SYCE1L: variants seen among roughly 807,000 people sequenced by gnomAD.
SYCE1L encodes the protein synaptonemal complex central element protein 1 like.
A neutral mutation model predicts 39.6 loss-of-function variants in SYCE1L; 51 were observed. The ratio of observed to expected loss-of-function variants is 1.29; its 90% CI spans 1.03 to 1.63. The LOEUF is 1.63. Among genes scored for constraint, SYCE1L ranks in the 40% most tolerant of loss-of-function variants. The pLI is 0.00. For synonymous variants in SYCE1L, 147 were observed against 122.4 expected (o/e 1.20, Z -1.33); for missense variants, 426 against 304.9 (o/e 1.40, Z -2.96).
chr16:77,208,382 T>C lies in SYCE1L; in HGVS notation c.182-83T>C, dbSNP rs189039273. On this transcript the variant is annotated intron_variant, in intron 3 of 10. Transcript: ENST00000378644. Reference sequence around the variant, plus strand: ...AGGCCCCTCTAGGGTTGTTTGAAGATGACTGTGCAATGTCATATTTGCGAG... The same window carrying C: ...AGGCCCCTCTAGGGTTGTTTGAAGACGACTGTGCAATGTCATATTTGCGAG... The C allele has an allele frequency of 2.4e-4, 376 of 1,544,516 alleles. No homozygotes were observed. The African/African-American group carries it at 4.1e-3, about 17-fold the overall frequency.
intron 1 of SYCE1L, among the ~76,000 whole-genome samples, chr16:77,205,894 C>T (rs1326209723): frequency 1.3e-5 from 2 of 152,106 alleles, no homozygotes. Context: ...CTGAAACAAA[C>T]TCTCTATATT....
In SYCE1L at chr16:77,206,468, A is replaced by T. The variant is rs2054786372; in HGVS notation, c.89A>T (p.Asp30Val). 6.4e-7 allele frequency: 1 copy of T among 1,551,526 alleles called. No individual in the cohort carries two copies. Among genetic ancestry groups the T allele is most frequent in the African/African-American group, 1.4e-5 (1 of 72,996 alleles). ...EGQAKSLKTEDLLAMVIKLQK... is the reference protein window; with the variant it reads ...EGQAKSLKTEVLLAMVIKLQK... Reference sequence around the variant, plus strand: ...CAAGCCAAGTCTTTGAAGACTGAAGACTTGCTGGCAATGGTGATAAAGCTG... The same window carrying T: ...CAAGCCAAGTCTTTGAAGACTGAAGTCTTGCTGGCAATGGTGATAAAGCTG... The change falls in exon 2 of 11, where the codon GAC (aspartate) becomes GTC (valine). Residue 30 changes from aspartate (D) to valine (V), a missense_variant. Transcript: ENST00000378644.
intron 1 of SYCE1L, chr16:77,200,008 CTA>C (rs71715172): frequency 0.3 from 45,461 of 151,274 alleles, 7,097 homozygotes; most frequent in Admixed American, 0.42. Context: ...GGCCTAGACA[CTA>C]TTGGAAATTG....
intron 5 of SYCE1L, 66 bp from the exon 6 acceptor site, chr16:77,209,351 A>G: frequency 2.0e-6 from 3 of 1,523,248 alleles, no homozygotes; most frequent in Non-Finnish European, 2.7e-6. Context: ...TGTGGGGCCT[A>G]TTACCTCTGG....
chr16:77,211,837 G>A (rs576879600), intron 7 of SYCE1L, among the ~76,000 whole-genome samples: 1 of 152,126 alleles, frequency 6.6e-6, no homozygotes, highest in Non-Finnish European at 1.5e-5. Flanking sequence ...CAGAAGGAAG[G>A]CCCTGGGGCT....
In SYCE1L at chr16:77,212,277, G is replaced by T. The variant is rs371566888; in HGVS notation, c.494-5G>T. Reference sequence around the variant, plus strand: ...GCCCTGCCCCTGACGCCCGCCCACCGACAGGGAGGCTGGTGCGCGCCAAGC... The same window carrying T: ...GCCCTGCCCCTGACGCCCGCCCACCTACAGGGAGGCTGGTGCGCGCCAAGC... On this transcript the variant is annotated splice_polypyrimidine_tract_variant and splice_region_variant and intron_variant, in intron 8 of 10. Transcript: ENST00000378644. 6.6e-7 allele frequency: 1 copy of T among 1,518,992 alleles called. No homozygotes were observed. Among genetic ancestry groups the T allele is most frequent in the African/African-American group, 1.4e-5 (1 of 71,458 alleles). The allele number at this position is 1,518,992 out of a possible 1,614,324, so 94.1% of individuals were successfully genotyped here.
At chr16:77,209,032 T>G in intron 4 of SYCE1L, 65 bp from the exon 5 acceptor site, 1 of 1,511,856 alleles carries the variant, frequency 6.6e-7, no homozygotes, top group Non-Finnish European at 9.0e-7. Context: ...TTTCCCCTTA[T>G]ATGAAGTTGC....
In SYCE1L at chr16:77,199,432, C is replaced by T. The variant is rs114764479; in HGVS notation, c.-20C>T. 1.7e-5 allele frequency: 27 copies of T among 1,551,156 alleles called. 1 individual carries two copies. The highest frequency in any genetic ancestry group is 1.4e-4 in the South Asian group (12 of 84,044). On this transcript the variant is annotated 5_prime_UTR_variant, in exon 1 of 11. Transcript: ENST00000378644. ...AACCAGTCATCAAGCGAGGCTCGCG[C>T]GCAGGCCCCGCGTTGGAAAATGGCG...
intron 1 of SYCE1L, among the ~76,000 whole-genome samples, chr16:77,205,087 A>G (rs568444956): frequency 1.3e-5 from 2 of 150,648 alleles, no homozygotes; most frequent in African/African-American, 2.4e-5. Flanking sequence ...TGTGGGAGGT[A>G]TGTTTGTATA....
At chr16:77,207,412 CAG>C (rs139888698) in intron 2 of SYCE1L, among the ~76,000 whole-genome samples, 68,066 of 151,896 alleles carry the variant, frequency 0.45, 16,615 homozygotes, top group Non-Finnish European at 0.56. Context: ...AGCACTGAAA[CAG>C]GGGCTATGAG....
intron 1 of SYCE1L, chr16:77,200,256 G>GTATATATATATATATGTATA (rs2054720013): frequency 7.2e-5 from 6 of 83,608 alleles, no homozygotes; most frequent in African/African-American, 2.2e-4. Flanking sequence ...ATGTATATGT[G>GTATATATATATATATGTATA]TATATATATA....
chr16:77,211,876 G>A (rs1164726564), intron 7 of SYCE1L, among the ~76,000 whole-genome samples: 1 of 152,140 alleles, frequency 6.6e-6, no homozygotes, highest in Non-Finnish European at 1.5e-5. Context: ...TTGAGGAGCC[G>A]CAGATTGGGG....
chr16:77,206,987 C>T (rs2054790018), intron 2 of SYCE1L, among the ~76,000 whole-genome samples: 1 of 152,150 alleles, frequency 6.6e-6, no homozygotes, highest in Admixed American at 6.5e-5. Context: ...AGCCCATTCT[C>T]ATCTTAAAAT....
In SYCE1L at chr16:77,212,959, T is replaced by G. The variant is rs2142523249; in HGVS notation, c.*28T>G. 1.4e-6 allele frequency: 2 copies of G among 1,466,362 alleles called. No homozygotes were observed. The highest frequency in any genetic ancestry group is 2.6e-5 in the East Asian group (1 of 38,518). The allele number at this position is 1,466,362 out of a possible 1,614,324, so 90.8% of individuals were successfully genotyped here. On this transcript the variant is annotated 3_prime_UTR_variant, in exon 11 of 11. Transcript: ENST00000378644. ...CAGCAGGACCCGCCCGTTCCCGACC[T>G]TCCCTCGAGACCCGCCAAGAAATAA...
At chr16:77,206,661 G>A (rs1344859268) in intron 2 of SYCE1L, among the ~76,000 whole-genome samples, 161 bp downstream of exon 2, 1 of 152,014 alleles carries the variant, frequency 6.6e-6, no homozygotes, top group African/African-American at 2.4e-5. Context: ...CAGTCCCACA[G>A]TTCAAAATTC....
In SYCE1L at chr16:77,212,141, G is replaced by A; in HGVS notation, c.435G>A (p.Gln145=). The change falls in exon 8 of 11, where the codon CAG becomes CAA. Residue 145 remains glutamine (Q), a synonymous_variant. Coordinates refer to ENST00000378644, the MANE Select transcript of SYCE1L (RefSeq NM_001129979.3). The stretch of plus-strand genomic sequence containing the variant: ...CTTTGTCCTCGCAGATGCTGGAGCA[G>A]CGACTGGCCCGGGAGATCCGTGCCC... ...KDLWEFHMLE[Q]RLAREIRALE... 1 of 1,548,840 alleles carries A rather than the reference G, an allele frequency of 6.5e-7. No individual in the cohort carries two copies. Among genetic ancestry groups the A allele is most frequent in the Non-Finnish European group, 8.7e-7 (1 of 1,146,314 alleles).
At chr16:77,200,851 G>A (rs895041630) in intron 1 of SYCE1L, 1 of 151,632 alleles carries the variant, frequency 6.6e-6, no homozygotes, top group African/African-American at 2.4e-5. Flanking sequence ...TATTCAAAGT[G>A]TACCAACGTA....
intron 2 of SYCE1L, among the ~76,000 whole-genome samples, chr16:77,207,749 C>T (rs1246419556): frequency 1.3e-5 from 2 of 152,154 alleles, no homozygotes; most frequent in African/African-American, 2.4e-5. Context: ...GCCACACCAG[C>T]CCCTCACTGT....
At position 77,212,846 on chromosome 16, in the gene SYCE1L, G is replaced by A; in HGVS notation, c.655-11G>A. ...GGAACCTGGTCCGCAGCCTCACCCA[G>A]CCCCCGGCAGGCCGGACCTGAGCTC... On this transcript the variant is annotated splice_polypyrimidine_tract_variant and intron_variant, in intron 10 of 10. Coordinates refer to ENST00000378644, the MANE Select transcript of SYCE1L (RefSeq NM_001129979.3). The A allele has an allele frequency of 6.7e-7, 1 of 1,484,734 alleles. No homozygotes were observed. The highest frequency in any genetic ancestry group is 8.9e-7 in the Non-Finnish European group (1 of 1,118,822). 92.0% of individuals were successfully genotyped at this position (1,484,734 alleles called of 1,614,324 possible).
Sources: gnomAD v4.1 joint callset for allele counts (sites outside exome capture counted in the v4.1 genomes callset) on GRCh38, gnomAD v4.1.1 for gene constraint, MANE v1.5 for transcripts, NCBI Gene and HGNC (gene_info 2026-07-23, HGNC 2026-07-21) for gene names.